Variants in SHC3 observed in about 807,000 individuals in gnomAD.
The protein encoded by SHC3 is SHC adaptor protein 3, also known as SHC-transforming protein 3.
A neutral mutation model predicts 60.4 loss-of-function variants in SHC3; 15 were observed. That is an observed-to-expected ratio of 0.25 (90% CI 0.17 to 0.38). SHC3 has a LOEUF of 0.38. SHC3 is among the 10% of genes least tolerant of loss of function. The pLI, the probability that SHC3 is intolerant of heterozygous loss-of-function variation, is 1.00. For missense variants in SHC3, 677 were observed against 786.1 expected (o/e 0.86, Z 1.66); for synonymous variants, 294 against 325.9 (o/e 0.90, Z 1.05).
intron 11 of SHC3, among the ~76,000 whole-genome samples, chr9:89,031,457 T>A (rs1397874211): frequency 6.6e-6 from 1 of 152,196 alleles, no homozygotes; most frequent in African/African-American, 2.4e-5. Context: ...TCTGTAGATT[T>A]TTTCATCCTG....
At chr9:89,030,269 A>C (rs1257717362) in intron 11 of SHC3, among the ~76,000 whole-genome samples, 1 of 152,220 alleles carries the variant, frequency 6.6e-6, no homozygotes, top group African/African-American at 2.4e-5. Context: ...TAGACAATTC[A>C]ACAATAATAG....
In SHC3 at chr9:89,011,378, G is replaced by A. The variant is rs1348024214; in HGVS notation, c.*2069C>T. 2 of 152,176 alleles carry A rather than the reference G, an allele frequency of 1.3e-5. No homozygotes were observed. The highest frequency in any genetic ancestry group is 2.9e-5 in the Non-Finnish European group (2 of 68,026). 9.4% of individuals were successfully genotyped at this position (152,176 alleles called of 1,614,324 possible). ...GCTCCTAACTTGCATTTCCTACTTTGCTATTGTCCCTGAATGTTATAATAG... is the reference window on the plus strand; with the variant it reads ...GCTCCTAACTTGCATTTCCTACTTTACTATTGTCCCTGAATGTTATAATAG... On this transcript the variant is annotated 3_prime_UTR_variant, in exon 12 of 12. Coordinates refer to ENST00000375835, the MANE Select transcript of SHC3 (RefSeq NM_016848.6).
At chr9:89,167,972 G>A (rs2118260020) in intron 1 of SHC3, among the ~76,000 whole-genome samples, 1 of 152,294 alleles carries the variant, frequency 6.6e-6, no homozygotes, top group Middle Eastern at 3.4e-3. Flanking sequence ...GATTCCAGGG[G>A]CAGGCGGCCA....
At chr9:89,015,658 ACT>A (rs1263813022) in intron 11 of SHC3, among the ~76,000 whole-genome samples, 1 of 152,158 alleles carries the variant, frequency 6.6e-6, no homozygotes, top group Non-Finnish European at 1.5e-5. Flanking sequence ...AGCCAGCAGA[ACT>A]CTCTGTGTGG....
intron 1 of SHC3, among the ~76,000 whole-genome samples, chr9:89,155,649 G>C (rs1166801267): frequency 1.3e-5 from 2 of 152,150 alleles, no homozygotes; most frequent in African/African-American, 4.8e-5. Context: ...GCCGACTCTG[G>C]CCTCAGCTCA....
intron 11 of SHC3, among the ~76,000 whole-genome samples, chr9:89,030,453 G>T (rs984976777): frequency 6.6e-6 from 1 of 152,024 alleles, no homozygotes; most frequent in Non-Finnish European, 1.5e-5. Context: ...TAGGTAAAAT[G>T]GACAAATTCC....
At chr9:89,172,151 G>C (rs768511963) in intron 1 of SHC3, among the ~76,000 whole-genome samples, 1 of 152,198 alleles carries the variant, frequency 6.6e-6, no homozygotes, top group African/African-American at 2.4e-5. Flanking sequence ...TTTGGCCCCT[G>C]GTATCTCACT....
intron 11 of SHC3, 64 bp from the exon 12 acceptor site, chr9:89,013,639 G>T: frequency 1.3e-6 from 2 of 1,555,702 alleles, no homozygotes; most frequent in Non-Finnish European, 1.7e-6. Flanking sequence ...AAAATGGTTT[G>T]CTCAGAATCA....
chr9:89,136,958 G>A (rs1226019146), intron 1 of SHC3, among the ~76,000 whole-genome samples: 2 of 152,108 alleles, frequency 1.3e-5, no homozygotes, highest in Non-Finnish European at 2.9e-5. Context: ...GAGGCCTCAG[G>A]AAACTTATAA....
intron 1 of SHC3, among the ~76,000 whole-genome samples, chr9:89,163,256 A>G (rs1025891149): frequency 1.5e-4 from 23 of 152,318 alleles, no homozygotes; most frequent in Middle Eastern, 6.8e-3. Flanking sequence ...ATATACCCAA[A>G]GAACTATAAA....
chr9:89,095,898 A>C (rs996724300), intron 2 of SHC3, among the ~76,000 whole-genome samples: 5 of 152,106 alleles, frequency 3.3e-5, no homozygotes, highest in African/African-American at 1.2e-4. Flanking sequence ...GGCTATAAAT[A>C]ATTGAGCTAA....
chr9:89,087,205 C>A (rs1378738422), intron 2 of SHC3, among the ~76,000 whole-genome samples: 4 of 152,186 alleles, frequency 2.6e-5, no homozygotes, highest in Non-Finnish European at 5.9e-5. Flanking sequence ...CAAAGTCAAA[C>A]ACATAATAGT....
At chr9:89,136,619 C>A (rs1051757468) in intron 1 of SHC3, among the ~76,000 whole-genome samples, 1 of 152,222 alleles carries the variant, frequency 6.6e-6, no homozygotes, top group Non-Finnish European at 1.5e-5. Context: ...CCTTGTTTAG[C>A]ATATTATCAA....
intron 1 of SHC3, among the ~76,000 whole-genome samples, chr9:89,114,722 T>A (rs1825997853): frequency 6.6e-6 from 1 of 152,084 alleles, no homozygotes; most frequent in Non-Finnish European, 1.5e-5. Context: ...ACTCCATCCA[T>A]TATTACAGAG....
At chr9:89,150,363 C>T (rs1270535689) in intron 1 of SHC3, among the ~76,000 whole-genome samples, 1 of 152,138 alleles carries the variant, frequency 6.6e-6, no homozygotes, top group Non-Finnish European at 1.5e-5. Context: ...AACCACTCCC[C>T]ATCCTCTCCC....
chr9:89,031,744 G>A (rs1455086248), intron 11 of SHC3, among the ~76,000 whole-genome samples: 1 of 145,024 alleles, frequency 6.9e-6, no homozygotes, highest in African/African-American at 2.9e-5. Flanking sequence ...GGTGGAAATG[G>A]TTTGGGGGAG....
rs551216370 is a variant in SHC3 at position 89,012,036 on chromosome 9, T to C, written c.*1411A>G. 21 of 152,348 alleles carry C rather than the reference T, an allele frequency of 1.4e-4. No homozygotes were observed. The highest frequency in any genetic ancestry group is 4.6e-4 in the African/African-American group (19 of 41,574). The allele number at this position is 152,348 out of a possible 1,614,324, so 9.4% of individuals were successfully genotyped here. A position where few individuals can be genotyped will look rare whatever the true frequency, so the allele number is the denominator to read the frequency against. On this transcript the variant is annotated 3_prime_UTR_variant, in exon 12 of 12. Transcript: ENST00000375835. Reference sequence around the variant, plus strand: ...TTATCACTATCCAACTCTAAGCGTGTTTAGTGTGTCTTTCTGTTCTGCTGA... The same window carrying C: ...TTATCACTATCCAACTCTAAGCGTGCTTAGTGTGTCTTTCTGTTCTGCTGA...
At chr9:89,018,973 C>T (rs9410444) in intron 11 of SHC3, among the ~76,000 whole-genome samples, 63,118 of 150,698 alleles carry the variant, frequency 0.42, 14,940 homozygotes, top group East Asian at 0.82. Flanking sequence ...GCAGGAAAGT[C>T]GCTTGAACCT....
chr9:89,057,000 C>A (rs538406316), intron 6 of SHC3, among the ~76,000 whole-genome samples: 1 of 152,382 alleles, frequency 6.6e-6, no homozygotes, highest in South Asian at 2.1e-4. Flanking sequence ...CACAGTCCAT[C>A]TGGGGTTCTC....
Sources: gnomAD v4.1 joint callset for allele counts (sites outside exome capture counted in the v4.1 genomes callset) on GRCh38, gnomAD v4.1.1 for gene constraint, MANE v1.5 for transcripts, NCBI Gene and HGNC (gene_info 2026-07-23, HGNC 2026-07-21) for gene names.